The following STK4 variants were observed in gnomAD, a reference collection of about 807,000 sequenced individuals.
The protein encoded by STK4 is serine/threonine-protein kinase 4.
A neutral mutation model predicts 64.9 loss-of-function variants in STK4; 30 were observed. The observed-to-expected ratio is 0.46, with a 90% CI of 0.35 to 0.63. STK4 has a LOEUF of 0.63. Ranked by LOEUF, STK4 falls within the 20% of genes least tolerant of loss-of-function variation. The pLI is 0.01. For synonymous variants in STK4, 177 were observed against 199.0 expected (o/e 0.89, Z 0.93); for missense variants, 466 against 598.5 (o/e 0.78, Z 2.31).
intron 10 of STK4, among the ~76,000 whole-genome samples, chr20:45,028,942 A>G (rs969700099): frequency 1.3e-5 from 2 of 152,172 alleles, no homozygotes; most frequent in African/African-American, 2.4e-5. Context: ...GAGTGGGCCC[A>G]TGGTGCACAG....
At position 44,991,479 on chromosome 20, in the gene STK4, C is replaced by A. The variant is rs576173150; in HGVS notation, c.526-3611C>A. The stretch of plus-strand genomic sequence containing the variant: ...AGAAGTGAACAGTTTCAGTTTCCAA[C>A]TTCAGTATATAAATGTGCTCTTTTC... On this transcript the variant is annotated intron_variant, in intron 5 of 10. Coordinates refer to ENST00000372806, the MANE Select transcript of STK4 (RefSeq NM_006282.5). Among the ~76,000 whole-genome samples, 201 of 152,308 alleles carry A rather than the reference C, an allele frequency of 1.3e-3. 1 individual carries two copies. Among genetic ancestry groups the A allele is most frequent in the African/African-American group, 4.7e-3 (195 of 41,566 alleles).
intron 10 of STK4, among the ~76,000 whole-genome samples, chr20:45,058,506 T>G (rs902139689): frequency 6.6e-6 from 1 of 152,180 alleles, no homozygotes; most frequent in Non-Finnish European, 1.5e-5. Flanking sequence ...TGGATCCTAT[T>G]TAGTCTGAAG....
rs1980413244 is a variant in STK4, at chr20:45,075,146, G to A, written c.1434G>A (p.Glu478=). 6.2e-7 allele frequency: 1 copy of A among 1,614,106 alleles called. No individual in the cohort carries two copies. Among genetic ancestry groups the A allele is most frequent in the Non-Finnish European group, 8.5e-7 (1 of 1,180,032 alleles). The part of the protein sequence containing the change: ...SKRQPILDAI[E]AKKRRQQNF ...GGCAGCCCATCCTGGATGCCATAGAGGCTAAGAAGAGACGGCAACAAAACT... is the reference window on the plus strand; with the variant it reads ...GGCAGCCCATCCTGGATGCCATAGAAGCTAAGAAGAGACGGCAACAAAACT... The change falls in exon 11 of 11, where the codon GAG becomes GAA. Residue 478 remains glutamate (E), a synonymous_variant. Transcript: ENST00000372806.
At chr20:45,066,929 A>G (rs1484081100) in intron 10 of STK4, among the ~76,000 whole-genome samples, 2 of 152,060 alleles carry the variant, frequency 1.3e-5, no homozygotes, top group East Asian at 1.9e-4. Context: ...TTTGATTGTC[A>G]TCTTCTTTGA....
At chr20:45,051,755 G>A (rs541515303) in intron 10 of STK4, among the ~76,000 whole-genome samples, 77 of 152,254 alleles carry the variant, frequency 5.1e-4, no homozygotes, top group Middle Eastern at 3.4e-3. Context: ...TTGTCATTGA[G>A]GCTTATGTTT....
At position 45,059,236 on chromosome 20, in the gene STK4, C is replaced by T. The variant is rs1287796434; in HGVS notation, c.1306-15782C>T. Among the ~76,000 whole-genome samples, 5 of 152,280 alleles carry T rather than the reference C, an allele frequency of 3.3e-5. No homozygotes were observed. In the East Asian group the frequency reaches 7.7e-4, roughly 23 times the overall value. On this transcript the variant is annotated intron_variant, in intron 10 of 10. Coordinates refer to ENST00000372806, the MANE Select transcript of STK4 (RefSeq NM_006282.5). Reference sequence around the variant, plus strand: ...AACTAGCATGTATTTCTTTTTCCTTCTTCACAGTATCATGGGTAGAAGATT... The same window carrying T: ...AACTAGCATGTATTTCTTTTTCCTTTTTCACAGTATCATGGGTAGAAGATT...
chr20:45,027,066 G>A (rs1479165396), intron 10 of STK4, among the ~76,000 whole-genome samples: 1 of 152,208 alleles, frequency 6.6e-6, no homozygotes, highest in Non-Finnish European at 1.5e-5. Flanking sequence ...TATTGTGATA[G>A]AATGCTTGAG....
At chr20:45,030,263 A>G (rs1568737030) in intron 10 of STK4, among the ~76,000 whole-genome samples, 1 of 151,938 alleles carries the variant, frequency 6.6e-6, no homozygotes, top group Non-Finnish European at 1.5e-5. Context: ...CTGCCACCAC[A>G]CCCAGCTAAT....
chr20:45,001,366 G>A lies in STK4; in HGVS notation c.1147+13G>A. On this transcript the variant is annotated intron_variant, in intron 9 of 10. Transcript: ENST00000372806. Reference sequence around the variant, plus strand: ...GGAACTATGAAAAGTAAGGCTCTGAGTAAATTCACTGACTTCTTAGACCAA... The same window carrying A: ...GGAACTATGAAAAGTAAGGCTCTGAATAAATTCACTGACTTCTTAGACCAA... 6.3e-7 allele frequency: 1 copy of A among 1,599,054 alleles called. No homozygotes were observed. Among genetic ancestry groups the A allele is most frequent in the South Asian group, 1.1e-5 (1 of 90,354 alleles).
At chr20:45,009,980 T>G (rs1434771980) in intron 9 of STK4, among the ~76,000 whole-genome samples, 1 of 152,058 alleles carries the variant, frequency 6.6e-6, no homozygotes, top group Non-Finnish European at 1.5e-5. Flanking sequence ...TAAAGAGAGA[T>G]AGTTTGACTT....
intron 8 of STK4, 122 bp from the exon 9 acceptor site, chr20:45,001,045 A>C: frequency 1.9e-6 from 2 of 1,073,826 alleles, no homozygotes; most frequent in Non-Finnish European, 2.6e-6. Context: ...CTGGAAGGTG[A>C]GTTTAGGACC....
At chr20:45,014,069 G>A (rs2068098639) in intron 9 of STK4, among the ~76,000 whole-genome samples, 1 of 151,924 alleles carries the variant, frequency 6.6e-6, no homozygotes, top group Non-Finnish European at 1.5e-5. Context: ...TTTTTTTAAA[G>A]CAGAAGAATT....
In STK4 at chr20:45,025,014, G is replaced by A; in HGVS notation, c.1189G>A (p.Glu397Lys). Residue 397 changes from glutamate (E) to lysine (K), a missense_variant, in exon 10 of 11, where the codon GAA becomes AAA. Physicochemically the swap from Glu to Lys is moderately conservative, Grantham distance 56. Around this residue, in one of 2 missense-constraint regions of STK4, gnomAD observed 276 missense variants for 308.9 expected, o/e 0.89. Transcript: ENST00000372806. ...GCAGCCTGCGAAACCATCCTTTCTTGAATATTTTGAACAAAAAGAAAAGGA... is the reference window on the plus strand; with the variant it reads ...GCAGCCTGCGAAACCATCCTTTCTTAAATATTTTGAACAAAAAGAAAAGGA... ...TMQPAKPSFLEYFEQKEKENQ... is the reference protein window; with the variant it reads ...TMQPAKPSFLKYFEQKEKENQ... 3 of 1,612,976 alleles carry A rather than the reference G, an allele frequency of 1.9e-6. No individual in the cohort carries two copies. Among genetic ancestry groups the A allele is most frequent in the Non-Finnish European group, 2.5e-6 (3 of 1,179,498 alleles).
chr20:45,023,615 C>A lies in STK4; in HGVS notation c.1148-1358C>A, dbSNP rs189855195. Among the ~76,000 whole-genome samples, 202 of 152,324 alleles carry A rather than the reference C, an allele frequency of 1.3e-3. 2 individuals are homozygous for A. Among genetic ancestry groups the A allele is most frequent in the Admixed American group, 0.011 (166 of 15,296 alleles). ...ACTAATCAGAGGCACAAAGATACTT[C>A]AACCTTTGAAACAGGTACATTCAGC... On this transcript the variant is annotated intron_variant, in intron 9 of 10. Coordinates refer to ENST00000372806, the MANE Select transcript of STK4 (RefSeq NM_006282.5).
chr20:45,067,629 A>C (rs1010047768), intron 10 of STK4, among the ~76,000 whole-genome samples: 3 of 152,234 alleles, frequency 2.0e-5, no homozygotes, highest in Non-Finnish European at 2.9e-5. Flanking sequence ...CTGCTGATTC[A>C]AGATGGGCTA....
rs74663793 is a variant in STK4 at position 44,995,081 on chromosome 20, C to G, written c.526-9C>G. ...GCTTAGTGTCAGTCTCTCTCCCTTTCTATTTTAGGATACCATGGCCAAGCG... is the reference window on the plus strand; with the variant it reads ...GCTTAGTGTCAGTCTCTCTCCCTTTGTATTTTAGGATACCATGGCCAAGCG... On this transcript the variant is annotated splice_polypyrimidine_tract_variant and intron_variant, in intron 5 of 10. Coordinates refer to ENST00000372806, the MANE Select transcript of STK4 (RefSeq NM_006282.5). 1.7e-4 allele frequency: 269 copies of G among 1,565,306 alleles called. 1 individual carries two copies. In the African/African-American group the frequency reaches 3.2e-3, roughly 19 times the overall value.
At chr20:45,021,843 C>T (rs2068253821) in intron 9 of STK4, among the ~76,000 whole-genome samples, 1 of 152,176 alleles carries the variant, frequency 6.6e-6, no homozygotes, top group South Asian at 2.1e-4. Context: ...AGAACTTCTT[C>T]TTTTGAATAG....
chr20:45,013,955 A>T (rs906679338), intron 9 of STK4, among the ~76,000 whole-genome samples: 12 of 151,992 alleles, frequency 7.9e-5, no homozygotes, highest in Non-Finnish European at 1.5e-4. Context: ...AAATGATGGA[A>T]TTTTTTGCAT....
intron 9 of STK4, among the ~76,000 whole-genome samples, chr20:45,010,345 G>A (rs543743828): frequency 3.9e-5 from 6 of 152,202 alleles, no homozygotes; most frequent in Admixed American, 2.6e-4. Flanking sequence ...GATTACAGTC[G>A]TGAGCCACCG....
Sources: gnomAD v4.1 joint callset for allele counts (sites outside exome capture counted in the v4.1 genomes callset) on GRCh38, gnomAD v4.1.1 for gene constraint, gnomAD v4.1.1 regional missense constraint, MANE v1.5 for transcripts, NCBI Gene and HGNC (gene_info 2026-07-23, HGNC 2026-07-21) for gene names.